The following DLG2 variants were observed in gnomAD, a reference collection of about 807,000 sequenced individuals.
DLG2 encodes discs large MAGUK scaffold protein 2.
DLG2 carries 45 observed loss-of-function variants against 132.5 expected under a neutral mutation model. The ratio of observed to expected loss-of-function variants is 0.34; its 90% CI spans 0.27 to 0.44. The LOEUF (loss-of-function observed/expected upper bound fraction) is 0.44. Ranked by LOEUF, DLG2 falls within the 20% of genes least tolerant of loss-of-function variation. The pLI, the probability that DLG2 is intolerant of heterozygous loss-of-function variation, is 1.00. For missense variants in DLG2, 1,045 were observed against 1,196.9 expected (o/e 0.87, Z 1.87); for synonymous variants, 424 against 419.6 (o/e 1.01, Z -0.13).
chr11:84,674,789 T>C (rs1163623579), intron 6 of DLG2, among the ~76,000 whole-genome samples: 1 of 152,162 alleles, frequency 6.6e-6, no homozygotes, highest in Non-Finnish European at 1.5e-5. Flanking sequence ...CTTACTACTT[T>C]TGCGTGTGTT....
chr11:84,301,286 C>G (rs1199399027), intron 7 of DLG2, among the ~76,000 whole-genome samples: 1 of 152,072 alleles, frequency 6.6e-6, no homozygotes, highest in Non-Finnish European at 1.5e-5. Context: ...AAAAGCTCAT[C>G]ATCACTGGTC....
intron 6 of DLG2, among the ~76,000 whole-genome samples, chr11:85,056,459 C>G (rs2063472162): frequency 6.6e-6 from 1 of 151,720 alleles, no homozygotes; most frequent in African/African-American, 2.4e-5. Flanking sequence ...ATTAATAGAT[C>G]CAAGCACTAA....
At chr11:85,336,709 G>C (rs894350180) in intron 3 of DLG2, 9 of 152,556 alleles carry the variant, frequency 5.9e-5, no homozygotes, top group African/African-American at 1.7e-4. Context: ...ACAGGTGCAA[G>C]TTAGAGCTGG....
At chr11:85,521,927 C>T (rs1008904599) in intron 3 of DLG2, among the ~76,000 whole-genome samples, 3 of 151,874 alleles carry the variant, frequency 2.0e-5, no homozygotes, top group African/African-American at 7.3e-5. Flanking sequence ...AATTTGCAGC[C>T]CAACGTGACA....
At chr11:83,983,482 T>C (rs1035578947) in intron 11 of DLG2, among the ~76,000 whole-genome samples, 4 of 152,004 alleles carry the variant, frequency 2.6e-5, no homozygotes, top group Non-Finnish European at 5.9e-5. Context: ...TGAATAAATA[T>C]TGGGTAAGGT....
At chr11:83,554,320 T>C (rs993169322) in intron 19 of DLG2, among the ~76,000 whole-genome samples, 1 of 152,216 alleles carries the variant, frequency 6.6e-6, no homozygotes, top group African/African-American at 2.4e-5. Context: ...ATGGAAAATG[T>C]TTGTAAGACT....
intron 18 of DLG2, among the ~76,000 whole-genome samples, chr11:83,763,137 G>A (rs1023481446): frequency 2.6e-5 from 4 of 152,112 alleles, no homozygotes; most frequent in African/African-American, 4.8e-5. Context: ...GTTACATCAC[G>A]TTTTAGCAAT....
At chr11:84,576,363 G>T (rs2099500074) in intron 6 of DLG2, among the ~76,000 whole-genome samples, 1 of 152,100 alleles carries the variant, frequency 6.6e-6, no homozygotes, top group African/African-American at 2.4e-5. Flanking sequence ...TTTATAATCT[G>T]TTTTTAGCAG....
intron 6 of DLG2, among the ~76,000 whole-genome samples, chr11:84,723,440 T>C (rs145344792): frequency 4.2e-4 from 64 of 152,308 alleles, no homozygotes; most frequent in African/African-American, 1.3e-3. Context: ...TGTATGTGCA[T>C]GTGTATGTGT....
intron 6 of DLG2, among the ~76,000 whole-genome samples, chr11:84,645,648 T>C (rs1043866106): frequency 1.3e-5 from 2 of 152,136 alleles, no homozygotes; most frequent in South Asian, 4.1e-4. Flanking sequence ...TTTGTATTTT[T>C]AGTAGAGATG....
intron 6 of DLG2, among the ~76,000 whole-genome samples, chr11:84,982,987 G>C (rs760707629): frequency 6.6e-6 from 1 of 152,178 alleles, no homozygotes; most frequent in Non-Finnish European, 1.5e-5. Flanking sequence ...GTGAAAGACT[G>C]AATGGTTTTC....
chr11:83,479,226 C>G (rs1293761642), intron 22 of DLG2, among the ~76,000 whole-genome samples: 1 of 152,086 alleles, frequency 6.6e-6, no homozygotes, highest in Non-Finnish European at 1.5e-5. Context: ...CTACCTCCAT[C>G]TGCCATCTTT....
chr11:84,466,568 A>C (rs151264337), intron 7 of DLG2, among the ~76,000 whole-genome samples: 3 of 151,474 alleles, frequency 2.0e-5, no homozygotes, highest in Non-Finnish European at 4.4e-5. Context: ...TAAGAGAAAC[A>C]AAATTCCACT....
At chr11:84,544,918 A>T (rs2099386636) in intron 6 of DLG2, among the ~76,000 whole-genome samples, 1 of 152,232 alleles carries the variant, frequency 6.6e-6, no homozygotes, top group South Asian at 2.1e-4. Context: ...TCACTTCCAC[A>T]GAACAGAAAC....
chr11:84,064,184 G>A (rs1179059354), intron 10 of DLG2, among the ~76,000 whole-genome samples: 1 of 152,078 alleles, frequency 6.6e-6, no homozygotes, highest in South Asian at 2.1e-4. Flanking sequence ...GCATTTTTAA[G>A]TATGTTAACT....
intron 17 of DLG2, among the ~76,000 whole-genome samples, chr11:83,825,883 T>G (rs1565224646): frequency 6.6e-6 from 1 of 152,166 alleles, no homozygotes; most frequent in Non-Finnish European, 1.5e-5. Flanking sequence ...ATTGTGTGGA[T>G]GGGTGCCAGG....
chr11:84,508,612 C>T (rs970075880), intron 7 of DLG2, among the ~76,000 whole-genome samples: 1 of 152,020 alleles, frequency 6.6e-6, no homozygotes, highest in African/African-American at 2.4e-5. Context: ...GTTGGCCAGG[C>T]TGGTCTCGGA....
chr11:83,961,142 C>G (rs1432882109), intron 14 of DLG2, among the ~76,000 whole-genome samples: 1 of 151,982 alleles, frequency 6.6e-6, no homozygotes, highest in African/African-American at 2.4e-5. Context: ...TTTCTAAGTT[C>G]TTTGCATTCA....
At chr11:84,912,793 G>C (rs772849115) in intron 6 of DLG2, among the ~76,000 whole-genome samples, 6 of 152,210 alleles carry the variant, frequency 3.9e-5, no homozygotes, top group African/African-American at 7.2e-5. Flanking sequence ...CTCGCAGAAG[G>C]TAATGATGGA....
Sources: allele counts gnomAD v4.1 joint callset (sites outside exome capture counted in the v4.1 genomes callset), GRCh38; gene constraint gnomAD v4.1.1; transcripts MANE v1.5; gene names NCBI Gene and HGNC (gene_info 2026-07-23, HGNC 2026-07-21).